Variants in CAPN2 observed in about 807,000 individuals in gnomAD.
The protein encoded by CAPN2 is calpain-2 catalytic subunit.
A neutral mutation model predicts 102.3 loss-of-function variants in CAPN2; 92 were observed. The observed-to-expected ratio is 0.90, with a 90% confidence interval of 0.76 to 1.07. The LOEUF (loss-of-function observed/expected upper bound fraction) is 1.07, where lower values mean the gene tolerates loss of function less well. Ranked by LOEUF, CAPN2 falls within the 50% of genes least tolerant of loss-of-function variation. The pLI is 0.00. For synonymous variants in CAPN2, 340 were observed against 355.4 expected (o/e 0.96, Z 0.49); for missense variants, 800 against 909.4 (o/e 0.88, Z 1.55).
Position 223,764,016 on chromosome 1 carries a change from A to G in CAPN2, c.1633-134A>G, listed in dbSNP as rs564290804. The G allele has an allele frequency of 2.8e-5, 20 of 711,532 alleles. No individual in the cohort carries two copies. The African/African-American group carries it at 2.9e-4, about 10-fold the overall frequency. The allele number at this position is 711,532 out of a possible 1,614,324, so 44.1% of individuals were successfully genotyped here. Reference sequence around the variant, plus strand: ...GTGGTCTGGGGACAGCAGCCCCAACATGGCTCGGGGGCTTGTTAGAAATGC... The same window carrying G: ...GTGGTCTGGGGACAGCAGCCCCAACGTGGCTCGGGGGCTTGTTAGAAATGC... On this transcript the variant is annotated intron_variant, in intron 14 of 20. Transcript: ENST00000295006.
chr1:223,751,108 A>T, intron 7 of CAPN2, 133 bp downstream of exon 7: 1 of 807,622 alleles, frequency 1.2e-6, no homozygotes, highest in Non-Finnish European at 2.0e-6. Flanking sequence ...CCACGTGGAC[A>T]GGGACCCGTG....
At chr1:223,733,162 C>T (rs1431946743) in intron 2 of CAPN2, among the ~76,000 whole-genome samples, 1 of 152,120 alleles carries the variant, frequency 6.6e-6, no homozygotes, top group East Asian at 1.9e-4. Context: ...GTGACAGAGC[C>T]ACAGGTAGCT....
At chr1:223,706,217 C>CGTCCCAT (rs1558376405) in intron 1 of CAPN2, among the ~76,000 whole-genome samples, 1 of 152,156 alleles carries the variant, frequency 6.6e-6, no homozygotes, top group African/African-American at 2.4e-5. Flanking sequence ...ACTGTCAGCA[C>CGTCCCAT]GTCCCATCTT....
At chr1:223,766,044 TC>T (rs780848164) in intron 15 of CAPN2, among the ~76,000 whole-genome samples, 70 of 152,334 alleles carry the variant, frequency 4.6e-4, no homozygotes, top group Non-Finnish European at 9.4e-4. Context: ...GTTTTCTTTT[TC>T]CCTGCCCAAC....
At chr1:223,764,475 A>G (rs1437810083) in intron 15 of CAPN2, among the ~76,000 whole-genome samples, 2 of 152,072 alleles carry the variant, frequency 1.3e-5, no homozygotes, top group Non-Finnish European at 2.9e-5. Context: ...TATTTTTGAG[A>G]CAGAGTCTCA....
At chr1:223,702,447 A>C (rs1342564836) in intron 1 of CAPN2, among the ~76,000 whole-genome samples, 3 of 152,060 alleles carry the variant, frequency 2.0e-5, no homozygotes, top group African/African-American at 7.2e-5. Context: ...AAAAAAGAAA[A>C]GGAAAGGAAA....
Position 223,712,879 on chromosome 1 carries a change from T to C in CAPN2, c.237+2T>C. On this transcript the variant is annotated splice_donor_variant, in intron 1 of 20. Transcript: ENST00000295006. LOFTEE classifies it high-confidence loss of function. ...GGCATCGAGTGGAAGCGCCCCACGG[T>C]AGGAAGCGCGCGGCAGGACGCGGGC... The C allele has an allele frequency of 2.0e-6, 3 of 1,522,876 alleles. No individual in the cohort carries two copies. The highest frequency in any genetic ancestry group is 2.8e-5 in the East Asian group (1 of 36,258). 94.3% of individuals were successfully genotyped at this position (1,522,876 alleles called of 1,614,324 possible).
intron 2 of CAPN2, among the ~76,000 whole-genome samples, chr1:223,737,479 C>G (rs1215029576): frequency 6.6e-6 from 1 of 152,172 alleles, no homozygotes; most frequent in East Asian, 1.9e-4. Flanking sequence ...GAGACACCGT[C>G]TGTCCCATGG....
At chr1:223,711,963 T>C (rs2102770039), upstream of CAPN2, among the ~76,000 whole-genome samples, 1 of 152,294 alleles carries the variant, frequency 6.6e-6, no homozygotes, top group East Asian at 1.9e-4. Context: ...AATTGCAGCA[T>C]TGTGATTGCA....
At chr1:223,763,424 TACAC>T (rs1338838129) in intron 14 of CAPN2, among the ~76,000 whole-genome samples, 1 of 152,124 alleles carries the variant, frequency 6.6e-6, no homozygotes, top group Non-Finnish European at 1.5e-5. Context: ...ATCCCACACA[TACAC>T]ACCCCAAAAG....
At chr1:223,762,286 G>T (rs943511508) in intron 14 of CAPN2, 35 bp downstream of exon 14, 5 of 1,523,692 alleles carry the variant, frequency 3.3e-6, no homozygotes, top group Non-Finnish European at 4.6e-6. Context: ...ATGCACTCTG[G>T]TTGATGCAAA....
intron 6 of CAPN2, 101 bp downstream of exon 6, chr1:223,749,223 G>A: frequency 9.7e-7 from 1 of 1,031,116 alleles, no homozygotes; most frequent in Non-Finnish European, 1.5e-6. Context: ...CCCCACGGTG[G>A]TCCAGTTTAC....
rs1347058238 is a variant in CAPN2 at position 223,759,804 on chromosome 1, T to C, written c.1529+323T>C. On this transcript the variant is annotated intron_variant, in intron 12 of 20. Coordinates refer to ENST00000295006, the MANE Select transcript of CAPN2 (RefSeq NM_001748.5). The surrounding 1 kb of genome is among the most constrained non-coding windows in gnomAD (Gnocchi z 4.6). ...ATGTTAAACTACGAATCCAGTCTCG[T>C]CATTTGAAGAAAGCTGAGCAGTGCT... Among the ~76,000 whole-genome samples the C allele has an allele frequency of 1.3e-5, 2 of 152,216 alleles. No individual in the cohort carries two copies. The highest frequency in any genetic ancestry group is 4.8e-5 in the African/African-American group (2 of 41,462).
chr1:223,769,487 C>A (rs1661416110), intron 16 of CAPN2, among the ~76,000 whole-genome samples: 1 of 152,060 alleles, frequency 6.6e-6, no homozygotes, highest in Non-Finnish European at 1.5e-5. Context: ...CCAAAGGCCT[C>A]TTAGATATAC....
chr1:223,720,891 T>A (rs1193228066), intron 2 of CAPN2, among the ~76,000 whole-genome samples: 1 of 152,112 alleles, frequency 6.6e-6, no homozygotes, highest in East Asian at 1.9e-4. Context: ...TCCCTCCAAT[T>A]TGCCATAGTG....
Position 223,755,475 on chromosome 1 carries a change from T to C in CAPN2, c.1136-5T>C. ...CTGGGCTCCTCTGCCCCTTTCTGGCTGCAGACACATTCTGGATGAACCCTC... is the reference window on the plus strand; with the variant it reads ...CTGGGCTCCTCTGCCCCTTTCTGGCCGCAGACACATTCTGGATGAACCCTC... On this transcript the variant is annotated splice_polypyrimidine_tract_variant and splice_region_variant and intron_variant, in intron 9 of 20. Coordinates refer to ENST00000295006, the MANE Select transcript of CAPN2 (RefSeq NM_001748.5). This position sits in a 1 kb window ranked among gnomAD's most constrained non-coding sequence, Gnocchi z 4.1. The C allele has an allele frequency of 6.2e-7, 1 of 1,613,874 alleles. No individual in the cohort carries two copies.
At chr1:223,717,011 G>T (rs546779334) in intron 1 of CAPN2, among the ~76,000 whole-genome samples, 4 of 152,252 alleles carry the variant, frequency 2.6e-5, no homozygotes, top group African/African-American at 9.6e-5. Flanking sequence ...ACCTTTTTGA[G>T]CTGTTTCCTC....
intron 1 of CAPN2, among the ~76,000 whole-genome samples, chr1:223,706,428 T>G (rs1659605786): frequency 6.6e-6 from 1 of 152,194 alleles, no homozygotes; most frequent in Non-Finnish European, 1.5e-5. Flanking sequence ...CCTGTGGAAT[T>G]CATATTCTCT....
intron 1 of CAPN2, among the ~76,000 whole-genome samples, chr1:223,715,046 G>T (rs2102772640): frequency 1.3e-5 from 2 of 152,292 alleles, no homozygotes; most frequent in Middle Eastern, 6.8e-3. Flanking sequence ...TGGATATAGG[G>T]CATAGATCCA....
Sources: allele counts gnomAD v4.1 joint callset (sites outside exome capture counted in the v4.1 genomes callset), GRCh38; gene constraint gnomAD v4.1.1; non-coding constraint Gnocchi (gnomAD v3.1); transcripts MANE v1.5; gene names NCBI Gene and HGNC (gene_info 2026-07-23, HGNC 2026-07-21).